CDC42SE2: variants seen among roughly 807,000 people sequenced by gnomAD.
CDC42SE2 encodes CDC42 small effector protein 2.
CDC42SE2 carries 3 observed loss-of-function variants against 11.5 expected under a neutral mutation model. The ratio of observed to expected loss-of-function variants is 0.26; its 90% confidence interval spans 0.12 to 0.67. The LOEUF (loss-of-function observed/expected upper bound fraction) is 0.67. Among genes scored for constraint, CDC42SE2 ranks in the 30% least tolerant of loss-of-function variants. The pLI is 0.80. For synonymous variants in CDC42SE2, 33 were observed against 34.8 expected, an observed-to-expected ratio of 0.95 and a Z score of 0.18; for missense variants, 82 against 106.8, an observed-to-expected ratio of 0.77 and a Z score of 1.02.
intron 3 of CDC42SE2, among the ~76,000 whole-genome samples, chr5:131,379,257 A>T (rs1750249739): frequency 6.6e-6 from 1 of 152,182 alleles, no homozygotes; most frequent in South Asian, 2.1e-4. Flanking sequence ...TGCTTCTAGA[A>T]CTACCTCAGG....
intron 2 of CDC42SE2, among the ~76,000 whole-genome samples, chr5:131,340,269 C>T (rs930822997): frequency 1.3e-5 from 2 of 152,156 alleles, no homozygotes; most frequent in African/African-American, 2.4e-5. Context: ...TCTTAAATTG[C>T]AGCCATTTTG....
At chr5:131,243,918 A>G (rs1756559457), upstream of CDC42SE2, among the ~76,000 whole-genome samples, 1 of 152,226 alleles carries the variant, frequency 6.6e-6, no homozygotes, top group South Asian at 2.1e-4. Flanking sequence ...TGGAACCCAG[A>G]AGACAATAGA....
chr5:131,284,555 C>T (rs1293806062), intron 1 of CDC42SE2, among the ~76,000 whole-genome samples: 2 of 152,182 alleles, frequency 1.3e-5, no homozygotes, highest in African/African-American at 4.8e-5. Flanking sequence ...GGTGTAACCT[C>T]GAACTCCAGG....
At chr5:131,358,760 A>G (rs1749625965) in intron 2 of CDC42SE2, among the ~76,000 whole-genome samples, 1 of 152,166 alleles carries the variant, frequency 6.6e-6, no homozygotes, top group East Asian at 1.9e-4. Flanking sequence ...GTTTTTGATG[A>G]ACTGCACCTG....
the CDC42SE2 span, among the ~76,000 whole-genome samples, chr5:131,224,680 C>A: frequency 6.6e-6 from 1 of 152,068 alleles, no homozygotes; most frequent in Non-Finnish European, 1.5e-5. Context: ...CAGCTGCTAT[C>A]ATTCATCTGT....
chr5:131,359,945 C>A (rs556061501), intron 3 of CDC42SE2, among the ~76,000 whole-genome samples: 1 of 152,038 alleles, frequency 6.6e-6, no homozygotes, highest in Non-Finnish European at 1.5e-5. Context: ...TCAGAGCAAC[C>A]CTCTGAGGAA....
chr5:131,223,086 C>T, the CDC42SE2 span, among the ~76,000 whole-genome samples: 1 of 152,216 alleles, frequency 6.6e-6, no homozygotes, highest in African/African-American at 2.4e-5. Flanking sequence ...GCTAATTTGA[C>T]TCATCATCAT....
At position 131,308,136 on chromosome 5, in the gene CDC42SE2, G is replaced by A. The variant is rs536030625; in HGVS notation, c.-454-7840G>A. Among the ~76,000 whole-genome samples the A allele has an allele frequency of 5.7e-3, 866 of 152,216 alleles. 6 individuals carry two copies. Among genetic ancestry groups the A allele is most frequent in the Non-Finnish European group, 8.8e-3 (597 of 68,004 alleles). On this transcript the variant is annotated intron_variant, in intron 1 of 4. Transcript: ENST00000505065. Reference sequence around the variant, plus strand: ...TGATTTTTGTATAAGGTGTAAGGAAGGGATCCAGTTTCAGCTTTCTACATA... The same window carrying A: ...TGATTTTTGTATAAGGTGTAAGGAAAGGATCCAGTTTCAGCTTTCTACATA...
intron 2 of CDC42SE2, among the ~76,000 whole-genome samples, chr5:131,256,686 A>ACTTTCT (rs1421181156): frequency 6.6e-6 from 1 of 152,202 alleles, no homozygotes; most frequent in East Asian, 1.9e-4. Context: ...ACTAGCTGTC[A>ACTTTCT]GCCAAGGGCC....
At chr5:131,377,788 A>G (rs1750199491) in intron 3 of CDC42SE2, among the ~76,000 whole-genome samples, 1 of 152,262 alleles carries the variant, frequency 6.6e-6, no homozygotes. Context: ...AAATTAAATC[A>G]GCAGATAAGT....
chr5:131,270,261 G>C (rs1756965827), intron 1 of CDC42SE2, among the ~76,000 whole-genome samples: 1 of 151,942 alleles, frequency 6.6e-6, no homozygotes, highest in Non-Finnish European at 1.5e-5. Flanking sequence ...TGTAGTCCCA[G>C]ATACTAGGGA....
At chr5:131,217,404 A>G in the CDC42SE2 span, among the ~76,000 whole-genome samples, 1 of 152,240 alleles carries the variant, frequency 6.6e-6, no homozygotes, top group African/African-American at 2.4e-5. Context: ...TTGGCACATA[A>G]TTATACATAA....
chr5:131,374,435 G>A (rs1194247003), intron 3 of CDC42SE2, among the ~76,000 whole-genome samples: 1 of 151,488 alleles, frequency 6.6e-6, no homozygotes, highest in Non-Finnish European at 1.5e-5. Flanking sequence ...GGAGGCTGAG[G>A]CAGGAGAATC....
chr5:131,330,468 A>G (rs1323482277), intron 2 of CDC42SE2, among the ~76,000 whole-genome samples: 1 of 152,160 alleles, frequency 6.6e-6, no homozygotes, highest in Non-Finnish European at 1.5e-5. Flanking sequence ...TATCCCTCCC[A>G]TCTGAAGGGG....
chr5:131,290,532 G>C (rs565322253), intron 1 of CDC42SE2, among the ~76,000 whole-genome samples: 1 of 146,230 alleles, frequency 6.8e-6, no homozygotes, highest in South Asian at 2.2e-4. Flanking sequence ...GCCCAGGCTG[G>C]AGTGCAGTGG....
At chr5:131,293,693 G>A (rs1033183432) in intron 1 of CDC42SE2, among the ~76,000 whole-genome samples, 1 of 152,132 alleles carries the variant, frequency 6.6e-6, no homozygotes, top group African/African-American at 2.4e-5. Context: ...AGGCTACCTA[G>A]TTTATGGTAT....
In CDC42SE2 at chr5:131,354,104, A is replaced by T. The variant is rs114751936; in HGVS notation, c.-285-5105A>T. Among the ~76,000 whole-genome samples the T allele has an allele frequency of 1.6e-3, 250 of 151,954 alleles. 1 individual carries two copies. Among genetic ancestry groups the T allele is most frequent in the African/African-American group, 5.7e-3 (236 of 41,422 alleles). On this transcript the variant is annotated intron_variant, in intron 2 of 4. Transcript: ENST00000505065. ...AAAATTTAAAAATTAACTGGACATG[A>T]TGGCACACACCCGTAGTCCCAGCTA...
chr5:131,249,088 G>A (rs1756619745), intron 1 of CDC42SE2, among the ~76,000 whole-genome samples: 1 of 147,454 alleles, frequency 6.8e-6, no homozygotes, highest in East Asian at 2.0e-4. Context: ...TGCAGTCTTG[G>A]CTCACTGCAA....
At chr5:131,247,614 G>A (rs1326091988) in intron 1 of CDC42SE2, among the ~76,000 whole-genome samples, 7 of 151,404 alleles carry the variant, frequency 4.6e-5, no homozygotes, top group African/African-American at 1.2e-4. Flanking sequence ...GCAAGACTCC[G>A]TCTCAGAAAA....
Sources: gnomAD v4.1 joint callset for allele counts (sites outside exome capture counted in the v4.1 genomes callset) on GRCh38, gnomAD v4.1.1 for gene constraint, MANE v1.5 for transcripts, NCBI Gene and HGNC (gene_info 2026-07-23, HGNC 2026-07-21) for gene names.